The following UBE2QL1 variants were observed in gnomAD, a reference collection of about 807,000 sequenced individuals.
The protein encoded by UBE2QL1 is ubiquitin-conjugating enzyme E2Q-like protein 1.
Under a neutral mutation model 12.6 loss-of-function variants are expected in UBE2QL1, and 5 were observed. The ratio of observed to expected loss-of-function variants is 0.40; its 90% CI spans 0.21 to 0.83. UBE2QL1 has a LOEUF of 0.83. Ranked by LOEUF, UBE2QL1 falls within the 40% of genes least tolerant of loss-of-function variation. UBE2QL1 has a pLI of 0.37. For synonymous variants in UBE2QL1, 96 were observed against 94.5 expected, an observed-to-expected ratio of 1.02 and a Z score of -0.10; for missense variants, 99 against 222.6, an observed-to-expected ratio of 0.44 and a Z score of 3.53.
intron 1 of UBE2QL1, among the ~76,000 whole-genome samples, chr5:6,460,802 TAAATGCACATC>T (rs1739641276): frequency 6.6e-6 from 1 of 152,358 alleles, no homozygotes; most frequent in African/African-American, 2.4e-5. Context: ...CTGTGCTCCC[TAAATGCACATC>T]AAAAGTCCTT....
At chr5:6,489,555 C>G (rs999991572) in intron 1 of UBE2QL1, among the ~76,000 whole-genome samples, 3 of 152,252 alleles carry the variant, frequency 2.0e-5, no homozygotes, top group Admixed American at 2.0e-4. Context: ...ACTCCTGACT[C>G]CTCAACTATG....
chr5:6,489,097 T>C (rs1579303930), intron 1 of UBE2QL1, among the ~76,000 whole-genome samples: 3 of 152,170 alleles, frequency 2.0e-5, no homozygotes, highest in African/African-American at 7.2e-5. Context: ...TCTTCCTTCA[T>C]CCTTTTAGCA....
At chr5:6,471,544 C>A (rs192888075) in intron 1 of UBE2QL1, among the ~76,000 whole-genome samples, 245 of 152,324 alleles carry the variant, frequency 1.6e-3, no homozygotes, top group African/African-American at 5.7e-3. Context: ...CAGCTGGCCT[C>A]CCTCATAGGG....
intron 1 of UBE2QL1, among the ~76,000 whole-genome samples, chr5:6,466,189 C>T (rs1739788570): frequency 6.6e-6 from 1 of 152,230 alleles, no homozygotes; most frequent in Non-Finnish European, 1.5e-5. Context: ...ACTTCTTCCC[C>T]TCCCTGTTTC....
chr5:6,481,114 G>T lies in UBE2QL1; in HGVS notation c.355-10104G>T, dbSNP rs536935900. 1.2e-4 allele frequency among the ~76,000 whole-genome samples: 18 copies of T among 152,208 alleles called. 1 individual carries two copies. In the South Asian group the frequency reaches 3.7e-3, roughly 32 times the overall value. On this transcript the variant is annotated intron_variant, in intron 1 of 1. Coordinates refer to ENST00000399816, the MANE Select transcript of UBE2QL1 (RefSeq NM_001145161.3). The surrounding 1 kb of genome is among the most constrained non-coding windows in gnomAD (Gnocchi z 4.5). Reference sequence around the variant, plus strand: ...CTCAGATGACTGTTTTTCAAGAGTTGGCCCGGAGCGTGCTTCTCGGGCCAT... The same window carrying T: ...CTCAGATGACTGTTTTTCAAGAGTTTGCCCGGAGCGTGCTTCTCGGGCCAT...
intron 1 of UBE2QL1, among the ~76,000 whole-genome samples, chr5:6,458,648 A>G (rs1739585254): frequency 6.6e-6 from 1 of 152,248 alleles, no homozygotes; most frequent in Non-Finnish European, 1.5e-5. Context: ...TATACCAAGT[A>G]AAGATCAATT....
intron 1 of UBE2QL1, among the ~76,000 whole-genome samples, chr5:6,472,046 A>G (rs1045330320): frequency 6.6e-6 from 1 of 152,072 alleles, no homozygotes; most frequent in Non-Finnish European, 1.5e-5. Flanking sequence ...GTGTCATGTC[A>G]TTCCGTGCAT....
rs2126382092 is a variant in UBE2QL1 at position 6,494,433 on chromosome 5, A to G, written c.*3084A>G. Reference sequence around the variant, plus strand: ...TCTATCAAAATTTGACCTTTTTTTAAGAGAAAAATATGTAGATGAGTGAAA... The same window carrying G: ...TCTATCAAAATTTGACCTTTTTTTAGGAGAAAAATATGTAGATGAGTGAAA... On this transcript the variant is annotated 3_prime_UTR_variant, in exon 2 of 2. Transcript: ENST00000399816. 1 of 152,236 alleles carries G rather than the reference A, an allele frequency of 6.6e-6. No homozygotes were observed. Among genetic ancestry groups the G allele is most frequent in the South Asian group, 2.1e-4 (1 of 4,820 alleles). 9.4% of individuals were successfully genotyped at this position (152,236 alleles called of 1,614,324 possible).
intron 1 of UBE2QL1, among the ~76,000 whole-genome samples, chr5:6,472,725 A>C (rs1172211287): frequency 1.3e-5 from 2 of 151,862 alleles, no homozygotes; most frequent in African/African-American, 2.4e-5. Flanking sequence ...TTCTCCCCAA[A>C]TTTTCTTTAT....
rs1488291099 is a variant in UBE2QL1, at chr5:6,493,584, C to A, written c.*2235C>A. 1.3e-5 allele frequency: 2 copies of A among 152,184 alleles called. No individual in the cohort carries two copies. The highest frequency in any genetic ancestry group is 1.5e-5 in the Non-Finnish European group (1 of 68,032). The allele number at this position is 152,184 out of a possible 1,614,324, so 9.4% of individuals were successfully genotyped here. A position where few individuals can be genotyped will look rare whatever the true frequency, so the allele number is the denominator to read the frequency against. The stretch of plus-strand genomic sequence containing the variant: ...CTCAGTGTCGCTCCTTCCATACACT[C>A]AGAGTTTGATTTTTCTTGCATGGCA... On this transcript the variant is annotated 3_prime_UTR_variant, in exon 2 of 2. Transcript: ENST00000399816.
intron 1 of UBE2QL1, among the ~76,000 whole-genome samples, chr5:6,473,122 C>A (rs1739951339): frequency 1.3e-5 from 2 of 152,236 alleles, no homozygotes; most frequent in South Asian, 4.1e-4. Context: ...AAATATTACA[C>A]TGCCTTTAGG....
intron 1 of UBE2QL1, among the ~76,000 whole-genome samples, chr5:6,453,664 G>T (rs899556221): frequency 2.0e-5 from 3 of 151,812 alleles, no homozygotes; most frequent in African/African-American, 7.3e-5. Flanking sequence ...TCTGAGAGGG[G>T]GCCACACCAT....
Position 6,463,598 on chromosome 5 carries a change from GTTATTA to G in UBE2QL1, c.354+14390_354+14395del, listed in dbSNP as rs149126743. Among the ~76,000 whole-genome samples the G allele has an allele frequency of 5.2e-3, 709 of 137,288 alleles. 5 individuals carry two copies. The highest frequency in any genetic ancestry group is 7.0e-3 in the South Asian group (29 of 4,164). 90.1% of individuals were successfully genotyped at this position (137,288 alleles called of 152,430 possible). A position where few individuals can be genotyped will look rare whatever the true frequency, so the allele number is the denominator to read the frequency against. On this transcript the variant is annotated intron_variant, in intron 1 of 1. Transcript: ENST00000399816. ...CCCAGGTAGGCTTTGTATTTGTGCT[GTTATTA>G]TTATTATTATTATTATTATTATTAT...
intron 1 of UBE2QL1, among the ~76,000 whole-genome samples, chr5:6,471,797 T>G (rs1203770924): frequency 6.6e-6 from 1 of 152,244 alleles, no homozygotes; most frequent in Non-Finnish European, 1.5e-5. Flanking sequence ...GGTAGGATCT[T>G]GTTTTCATTG....
intron 1 of UBE2QL1, among the ~76,000 whole-genome samples, chr5:6,465,894 C>A (rs74520540): frequency 2.8e-4 from 43 of 152,290 alleles, no homozygotes; most frequent in African/African-American, 8.4e-4. Flanking sequence ...TTTTACCCCG[C>A]GCAAAGCGTT....
chr5:6,482,429 G>A (rs1734381107), intron 1 of UBE2QL1, among the ~76,000 whole-genome samples: 1 of 152,058 alleles, frequency 6.6e-6, no homozygotes, highest in Non-Finnish European at 1.5e-5. Context: ...CCACCCTCAC[G>A]TGGCGTCTGC....
At position 6,471,222 on chromosome 5, in the gene UBE2QL1, G is replaced by A. The variant is rs1185626506; in HGVS notation, c.355-19996G>A. On this transcript the variant is annotated intron_variant, in intron 1 of 1. Coordinates refer to ENST00000399816, the MANE Select transcript of UBE2QL1 (RefSeq NM_001145161.3). ...AAGTGGATTCCCAGCCCTCAGCATT[G>A]GTTATCTCCTGCAGCATAGCCCATT... Among the ~76,000 whole-genome samples, 5 of 152,118 alleles carry A rather than the reference G, an allele frequency of 3.3e-5. No homozygotes were observed. In the East Asian group the frequency reaches 5.8e-4, roughly 18 times the overall value.
intron 1 of UBE2QL1, among the ~76,000 whole-genome samples, chr5:6,453,015 T>C (rs942084779): frequency 6.6e-6 from 1 of 152,216 alleles, no homozygotes; most frequent in Admixed American, 6.5e-5. Context: ...ACTCCTCTCC[T>C]GGCCCCTCAG....
At chr5:6,468,781 T>G (rs1216883074) in intron 1 of UBE2QL1, among the ~76,000 whole-genome samples, 1 of 152,190 alleles carries the variant, frequency 6.6e-6, no homozygotes, top group Non-Finnish European at 1.5e-5. Context: ...TTGATCAAAT[T>G]GTTTGAAACA....
Sources: allele counts gnomAD v4.1 joint callset (sites outside exome capture counted in the v4.1 genomes callset), GRCh38; gene constraint gnomAD v4.1.1; non-coding constraint Gnocchi (gnomAD v3.1); transcripts MANE v1.5; gene names NCBI Gene and HGNC (gene_info 2026-07-23, HGNC 2026-07-21).